Variants in PCCA observed in about 807,000 individuals in gnomAD.
The protein encoded by PCCA is propionyl-CoA carboxylase subunit alpha.
In PCCA, 74 loss-of-function variants were observed where a neutral mutation model predicts 101.3. That is an observed-to-expected ratio of 0.73 (90% CI 0.61 to 0.89). PCCA has a LOEUF of 0.89. Ranked by LOEUF, PCCA falls within the 40% of genes least tolerant of loss-of-function variation. PCCA has a pLI of 0.00. For missense variants in PCCA, 891 were observed against 907.0 expected (o/e 0.98, Z 0.23); for synonymous variants, 294 against 313.6 (o/e 0.94, Z 0.66).
chr13:100,278,679 C>T (rs2063846228), intron 12 of PCCA, among the ~76,000 whole-genome samples: 1 of 152,090 alleles, frequency 6.6e-6, no homozygotes, highest in African/African-American at 2.4e-5. Flanking sequence ...AGGGTTTCAC[C>T]ACGTTGACCA....
chr13:100,184,162 A>AAG (rs2057043820), intron 6 of PCCA, among the ~76,000 whole-genome samples: 1 of 152,134 alleles, frequency 6.6e-6, no homozygotes, highest in Non-Finnish European at 1.5e-5. Flanking sequence ...GAGCAGGACT[A>AAG]AGAGAGAGAG....
chr13:100,389,182 C>G (rs2076676905), intron 19 of PCCA, among the ~76,000 whole-genome samples: 1 of 152,062 alleles, frequency 6.6e-6, no homozygotes, highest in East Asian at 1.9e-4. Context: ...AGGCCCCGAA[C>G]TGAACACGGA....
At chr13:100,520,164 T>C (rs1217717258) in intron 22 of PCCA, among the ~76,000 whole-genome samples, 2 of 152,250 alleles carry the variant, frequency 1.3e-5, no homozygotes, top group Admixed American at 6.5e-5. Flanking sequence ...CAAGCACTCC[T>C]GTGCCCTTTG....
At chr13:100,089,874 T>C (rs1005308682) in intron 1 of PCCA, among the ~76,000 whole-genome samples, 1 of 152,168 alleles carries the variant, frequency 6.6e-6, no homozygotes, top group African/African-American at 2.4e-5. Context: ...TTCATGACTG[T>C]TCTGTATACC....
chr13:100,102,857 T>C lies in PCCA; in HGVS notation c.106-26T>C, dbSNP rs3742246. ...TCTAAAGCCCATCAAGTATTTGCAATTTATTTTGCTTTCCTTTTTTTGTAG... is the reference window on the plus strand; with the variant it reads ...TCTAAAGCCCATCAAGTATTTGCAACTTATTTTGCTTTCCTTTTTTTGTAG... On this transcript the variant is annotated intron_variant, in intron 1 of 23. Transcript: ENST00000376285. 2.1e-4 allele frequency: 322 copies of C among 1,533,046 alleles called. 3 individuals carry two copies. The East Asian group carries it at 6.5e-3, about 31-fold the overall frequency. The allele number at this position is 1,533,046 out of a possible 1,614,324, so 95.0% of individuals were successfully genotyped here.
At chr13:100,182,104 T>C (rs920109977) in intron 6 of PCCA, among the ~76,000 whole-genome samples, 11 of 143,152 alleles carry the variant, frequency 7.7e-5, no homozygotes, top group East Asian at 4.1e-4. Flanking sequence ...TTTTCTTTTT[T>C]TTTTTTTTTT....
At chr13:100,342,599 G>C (rs2071548512) in intron 18 of PCCA, among the ~76,000 whole-genome samples, 2 of 151,896 alleles carry the variant, frequency 1.3e-5, no homozygotes, top group African/African-American at 4.8e-5. Flanking sequence ...AGGGATGCTT[G>C]TGTGTAACTC....
chr13:100,270,994 C>G (rs1260011061), intron 11 of PCCA, among the ~76,000 whole-genome samples: 1 of 151,952 alleles, frequency 6.6e-6, no homozygotes, highest in African/African-American at 2.4e-5. Flanking sequence ...GGTGACAGAG[C>G]AAGACCCTGT....
chr13:100,139,030 G>C (rs919362373), intron 4 of PCCA, among the ~76,000 whole-genome samples: 1 of 151,398 alleles, frequency 6.6e-6, no homozygotes, highest in East Asian at 1.9e-4. Context: ...GTACTGAGTT[G>C]ACAGTTCTTT....
chr13:100,131,878 CAT>C (rs1412475467), intron 4 of PCCA, among the ~76,000 whole-genome samples: 1 of 152,096 alleles, frequency 6.6e-6, no homozygotes, highest in African/African-American at 2.4e-5. Context: ...ACATTTATGA[CAT>C]TAGTGTAATG....
intron 22 of PCCA, among the ~76,000 whole-genome samples, chr13:100,516,051 G>T (rs1375013260): frequency 1.3e-5 from 2 of 152,182 alleles, no homozygotes; most frequent in Admixed American, 1.3e-4. Context: ...ATAAAATGTA[G>T]CATCACAGTT....
chr13:100,268,852 A>G, intron 11 of PCCA, 69 bp downstream of exon 11: 4 of 1,053,758 alleles, frequency 3.8e-6, no homozygotes, highest in Non-Finnish European at 4.4e-6. Flanking sequence ...TCATTCATTC[A>G]TCATTCACTG....
intron 7 of PCCA, among the ~76,000 whole-genome samples, chr13:100,226,506 A>G: frequency 6.6e-6 from 1 of 152,326 alleles, no homozygotes; most frequent in African/African-American, 2.4e-5. Flanking sequence ...ATGGGTGTTT[A>G]GCATCTGGGA....
intron 21 of PCCA, among the ~76,000 whole-genome samples, chr13:100,477,791 C>G (rs1025067178): frequency 1.9e-4 from 29 of 152,106 alleles, no homozygotes; most frequent in African/African-American, 6.8e-4. Context: ...ACCCTTCACC[C>G]CTGAGTCCTG....
intron 4 of PCCA, among the ~76,000 whole-genome samples, chr13:100,135,392 T>C (rs1409224147): frequency 1.3e-5 from 2 of 152,064 alleles, no homozygotes; most frequent in African/African-American, 2.4e-5. Context: ...ACTCTGTCTC[T>C]TTAAAAAAAT....
At chr13:100,465,600 T>C (rs1357508768) in intron 21 of PCCA, among the ~76,000 whole-genome samples, 3 of 152,226 alleles carry the variant, frequency 2.0e-5, no homozygotes, top group Non-Finnish European at 4.4e-5. Context: ...GTTATCTGTT[T>C]GGGCAGTATT....
intron 18 of PCCA, among the ~76,000 whole-genome samples, chr13:100,361,139 G>A (rs1481691087): frequency 6.6e-6 from 1 of 152,240 alleles, no homozygotes; most frequent in East Asian, 1.9e-4. Context: ...AGCATTCGGG[G>A]GAGGGAGGGG....
chr13:100,111,178 CTTTTTTTTTTTTTTT>C (rs965293674), intron 2 of PCCA, among the ~76,000 whole-genome samples: 37 of 98,534 alleles, frequency 3.8e-4, no homozygotes, highest in Non-Finnish European at 6.8e-4. Flanking sequence ...GACCCAGCTC[CTTTTTTTTTTTTTTT>C]TTTTTTTTTT....
chr13:100,317,631 G>A (rs1390483244), intron 16 of PCCA, among the ~76,000 whole-genome samples: 1 of 152,040 alleles, frequency 6.6e-6, no homozygotes, highest in African/African-American at 2.4e-5. Flanking sequence ...CTGTCACTTA[G>A]GCTGGAGTGC....
Sources: allele counts gnomAD v4.1 joint callset (sites outside exome capture counted in the v4.1 genomes callset), GRCh38; gene constraint gnomAD v4.1.1; transcripts MANE v1.5; gene names NCBI Gene and HGNC (gene_info 2026-07-23, HGNC 2026-07-21).